DLGAP1: variants seen among roughly 807,000 people sequenced by gnomAD.
DLGAP1 encodes the protein DLG associated protein 1.
DLGAP1 carries 11 observed loss-of-function variants against 90.8 expected under a neutral mutation model. The ratio of observed to expected loss-of-function variants is 0.12; its 90% CI spans 0.08 to 0.20. The LOEUF (loss-of-function observed/expected upper bound fraction) is 0.20, where lower values mean the gene tolerates loss of function less well. DLGAP1 is among the 10% of genes least tolerant of loss of function. The pLI is 1.00. For missense variants in DLGAP1, 1,050 were observed against 1,333.8 expected, an observed-to-expected ratio of 0.79 and a Z score of 3.31; for synonymous variants, 558 against 540.7, an observed-to-expected ratio of 1.03 and a Z score of -0.44.
chr18:4,082,300 C>T (rs957425359), intron 2 of DLGAP1, among the ~76,000 whole-genome samples: 2 of 144,760 alleles, frequency 1.4e-5, no homozygotes, highest in African/African-American at 5.2e-5. Context: ...CGAGATTGCA[C>T]CATTGCACTC....
chr18:3,931,246 G>A (rs1906970668), intron 3 of DLGAP1, among the ~76,000 whole-genome samples: 3 of 152,178 alleles, frequency 2.0e-5, no homozygotes, highest in Admixed American at 2.0e-4. Context: ...GCTTTGGCTT[G>A]GGAATTGGGG....
chr18:3,605,240 T>TC (rs1295265815), intron 7 of DLGAP1, among the ~76,000 whole-genome samples: 1 of 152,228 alleles, frequency 6.6e-6, no homozygotes, highest in Non-Finnish European at 1.5e-5. Flanking sequence ...TATTCTTTCC[T>TC]CTGGTTTTTC....
chr18:3,635,414 C>G (rs745359812), intron 7 of DLGAP1, among the ~76,000 whole-genome samples: 1 of 151,546 alleles, frequency 6.6e-6, no homozygotes, highest in Non-Finnish European at 1.5e-5. Context: ...GCTGGGATTA[C>G]AGGCGTGAGC....
chr18:4,174,206 C>T (rs549149175), intron 1 of DLGAP1, among the ~76,000 whole-genome samples: 44 of 152,188 alleles, frequency 2.9e-4, no homozygotes, highest in Non-Finnish European at 5.1e-4. Context: ...CACCGAATCC[C>T]AACCCAGAGG....
intron 5 of DLGAP1, chr18:3,771,256 T>C (rs2064520528): frequency 6.6e-6 from 1 of 152,338 alleles, no homozygotes; most frequent in African/African-American, 2.4e-5. Context: ...GAATCCGCTC[T>C]TGTTCTTCTC....
chr18:4,045,787 CTTT>C (rs35705949), intron 2 of DLGAP1, among the ~76,000 whole-genome samples: 7 of 132,162 alleles, frequency 5.3e-5, no homozygotes, highest in Admixed American at 7.7e-5. Flanking sequence ...ATCTTTAAAA[CTTT>C]TTTTTTTTTT....
At chr18:4,194,087 G>A (rs2077449816) in intron 1 of DLGAP1, among the ~76,000 whole-genome samples, 1 of 151,964 alleles carries the variant, frequency 6.6e-6, no homozygotes. Flanking sequence ...GCTGAGGTTT[G>A]GGGTACAATT....
At chr18:3,903,892 T>C (rs2071839078) in intron 3 of DLGAP1, among the ~76,000 whole-genome samples, 1 of 152,232 alleles carries the variant, frequency 6.6e-6, no homozygotes, top group Non-Finnish European at 1.5e-5. Flanking sequence ...ACATTAGTGT[T>C]TCTAGAACTA....
chr18:3,680,593 C>G (rs1201607291), intron 7 of DLGAP1, among the ~76,000 whole-genome samples: 1 of 152,112 alleles, frequency 6.6e-6, no homozygotes, highest in Non-Finnish European at 1.5e-5. Flanking sequence ...CAAGACCATC[C>G]TGGCTAACAT....
chr18:3,576,566 CTT>C (rs558651034), intron 8 of DLGAP1, among the ~76,000 whole-genome samples: 8 of 135,872 alleles, frequency 5.9e-5, no homozygotes, highest in Admixed American at 7.5e-5. Context: ...GCTCCAGCTC[CTT>C]TTTTTTTTTT....
intron 7 of DLGAP1, among the ~76,000 whole-genome samples, chr18:3,669,573 G>A (rs1311664918): frequency 1.3e-5 from 2 of 152,194 alleles, no homozygotes; most frequent in African/African-American, 4.8e-5. Context: ...ATAGACTCCC[G>A]CACATGGATC....
At chr18:4,348,366 G>T (rs1006939533) in intron 1 of DLGAP1, among the ~76,000 whole-genome samples, 10 of 150,204 alleles carry the variant, frequency 6.7e-5, no homozygotes, top group Non-Finnish European at 5.9e-5. Flanking sequence ...TGTGATGCTG[G>T]ACTGGAATCA....
chr18:4,261,535 A>G (rs2079002515), intron 1 of DLGAP1, among the ~76,000 whole-genome samples: 1 of 152,090 alleles, frequency 6.6e-6, no homozygotes. Context: ...GCTCAAACTT[A>G]TCTACTCTAG....
intron 7 of DLGAP1, among the ~76,000 whole-genome samples, chr18:3,717,991 T>C (rs985650174): frequency 2.0e-5 from 3 of 152,208 alleles, no homozygotes; most frequent in African/African-American, 7.2e-5. Flanking sequence ...GAAAGTGTTA[T>C]GGGCTTTTGG....
intron 4 of DLGAP1, among the ~76,000 whole-genome samples, chr18:3,836,856 A>G (rs902665056): frequency 6.6e-6 from 1 of 152,356 alleles, no homozygotes; most frequent in Admixed American, 6.5e-5. Flanking sequence ...TGCGAAGAGC[A>G]GGGATTTTGT....
intron 1 of DLGAP1, among the ~76,000 whole-genome samples, chr18:4,427,876 T>C (rs1420413011): frequency 2.6e-5 from 4 of 152,220 alleles, no homozygotes; most frequent in African/African-American, 7.2e-5. Context: ...ATGCTTAAAG[T>C]GACCTCATTG....
At chr18:3,895,342 A>G (rs1278942754) in intron 3 of DLGAP1, among the ~76,000 whole-genome samples, 2 of 149,650 alleles carry the variant, frequency 1.3e-5, no homozygotes, top group Non-Finnish European at 3.0e-5. Context: ...CATCATCATC[A>G]TCTCATAAAC....
In DLGAP1 at chr18:3,871,121, A is replaced by G. The variant is rs115937344; in HGVS notation, c.957+7991T>C. Among the ~76,000 whole-genome samples, 1,012 of 152,352 alleles carry G rather than the reference A, an allele frequency of 6.6e-3. 14 individuals carry two copies. Among genetic ancestry groups the G allele is most frequent in the African/African-American group, 0.023 (943 of 41,568 alleles). On this transcript the variant is annotated intron_variant, in intron 4 of 12. Transcript: ENST00000315677. The stretch of plus-strand genomic sequence containing the variant: ...ATGTACAACATAATGGGAAGAGAAC[A>G]GCACTGGTAGCCAGGCAGTGAGCCT...
At chr18:4,131,428 A>G (rs2076315548) in intron 2 of DLGAP1, among the ~76,000 whole-genome samples, 1 of 152,234 alleles carries the variant, frequency 6.6e-6, no homozygotes, top group African/African-American at 2.4e-5. Context: ...AAAGGGCCAG[A>G]GAGTAAATGG....
Sources: allele counts gnomAD v4.1 joint callset (sites outside exome capture counted in the v4.1 genomes callset), GRCh38; gene constraint gnomAD v4.1.1; transcripts MANE v1.5; gene names NCBI Gene and HGNC (gene_info 2026-07-23, HGNC 2026-07-21).